TRAF7: variants seen among roughly 807,000 people sequenced by gnomAD.
TRAF7 encodes the protein TNF receptor associated factor 7, also known as E3 ubiquitin-protein ligase TRAF7.
TRAF7 carries 45 observed loss-of-function variants against 89.3 expected under a neutral mutation model. The observed-to-expected ratio is 0.50, with a 90% CI of 0.40 to 0.65. The LOEUF (loss-of-function observed/expected upper bound fraction) is 0.65, where lower values mean the gene tolerates loss of function less well. Among genes scored for constraint, TRAF7 ranks in the 30% least tolerant of loss-of-function variants. TRAF7 has a pLI of 0.00. For synonymous variants in TRAF7, 406 were observed against 369.2 expected, an observed-to-expected ratio of 1.10 and a Z score of -1.14; for missense variants, 677 against 918.1, an observed-to-expected ratio of 0.74 and a Z score of 3.39.
Position 2,168,814 on chromosome 16 carries a change from G to A in TRAF7, c.231+646G>A, listed in dbSNP as rs2093097075. On this transcript the variant is annotated intron_variant, in intron 4 of 20. Transcript: ENST00000326181. The surrounding 1 kb of genome is among the most constrained non-coding windows in gnomAD (Gnocchi z 4.1). ...TCCTGGTCAATGGCGCTCATTGCTG[G>A]GCTCTGGGCCTACCCAGGGGACAGA... Among the ~76,000 whole-genome samples, 3 of 151,990 alleles carry A rather than the reference G, an allele frequency of 2.0e-5. 1 individual carries two copies. The South Asian group carries it at 6.2e-4, about 31-fold the overall frequency.
At chr16:2,165,409 G>A (rs2093081020) in intron 2 of TRAF7, among the ~76,000 whole-genome samples, 1 of 140,036 alleles carries the variant, frequency 7.1e-6, no homozygotes, top group East Asian at 2.2e-4. Flanking sequence ...AGTGCTGCGT[G>A]GCCTGGCCTG....
In TRAF7 at chr16:2,168,822, G is replaced by A. The variant is rs1464940478; in HGVS notation, c.231+654G>A. On this transcript the variant is annotated intron_variant, in intron 4 of 20. Coordinates refer to ENST00000326181, the MANE Select transcript of TRAF7 (RefSeq NM_032271.3). This position sits in a 1 kb window ranked among gnomAD's most constrained non-coding sequence, Gnocchi z 4.1. ...AATGGCGCTCATTGCTGGGCTCTGG[G>A]CCTACCCAGGGGACAGAGGCCAACT... 6.6e-6 allele frequency among the ~76,000 whole-genome samples: 1 copy of A among 151,864 alleles called. No homozygotes were observed. The highest frequency in any genetic ancestry group is 1.5e-5 in the Non-Finnish European group (1 of 67,962).
At position 2,165,160 on chromosome 16, in the gene TRAF7, C is replaced by T. The variant is rs9929851; in HGVS notation, c.82-719C>T. Among the ~76,000 whole-genome samples, 9 of 131,262 alleles carry T rather than the reference C, an allele frequency of 6.9e-5. No homozygotes were observed. The South Asian group carries it at 7.3e-4, about 11-fold the overall frequency. 86.1% of individuals were successfully genotyped at this position (131,262 alleles called of 152,430 possible). On this transcript the variant is annotated intron_variant, in intron 2 of 20. Coordinates refer to ENST00000326181, the MANE Select transcript of TRAF7 (RefSeq NM_032271.3). ...CGCATGCTGAAGCGTGTGAGTGCTG[C>T]GTGGCCTGGCCTGGTCGCATGGTTA...
chr16:2,178,083 A>C lies in TRAF7; in HGVS notation c.*1509A>C, dbSNP rs889950378. 5 of 494,952 alleles carry C rather than the reference A, an allele frequency of 1.0e-5. No individual in the cohort carries two copies. The highest frequency in any genetic ancestry group is 1.9e-5 in the Non-Finnish European group (5 of 257,144). 30.7% of individuals were successfully genotyped at this position (494,952 alleles called of 1,614,324 possible). On this transcript the variant is annotated 3_prime_UTR_variant, in exon 21 of 21. Coordinates refer to ENST00000326181, the MANE Select transcript of TRAF7 (RefSeq NM_032271.3). ...TTATACCTTTTTGTTTCTCTGGGGAAATCCGCCTCAGCTCATTCCCAATAA... is the reference window on the plus strand; with the variant it reads ...TTATACCTTTTTGTTTCTCTGGGGACATCCGCCTCAGCTCATTCCCAATAA...
At chr16:2,167,798 C>T (rs1216189893) in intron 3 of TRAF7, among the ~76,000 whole-genome samples, 1 of 152,102 alleles carries the variant, frequency 6.6e-6, no homozygotes, top group East Asian at 1.9e-4. Context: ...GAAGACCCTG[C>T]CTGGGGTAGG....
chr16:2,157,709 T>C (rs2093040817), intron 1 of TRAF7, among the ~76,000 whole-genome samples: 1 of 152,074 alleles, frequency 6.6e-6, no homozygotes, highest in South Asian at 2.1e-4. Context: ...CCAGGAGGCC[T>C]GGGCAGCCTG....
chr16:2,172,426 G>A (rs760274832), intron 8 of TRAF7, 39 bp from the exon 9 acceptor site: 5 of 1,610,618 alleles, frequency 3.1e-6, no homozygotes, highest in African/African-American at 2.7e-5. Flanking sequence ...GCTTCTCAGG[G>A]CTCTGGCTGA....
Position 2,177,720 on chromosome 16 carries a change from A to AC in TRAF7, c.*1149dup, listed in dbSNP as rs1254150867. Reference sequence around the variant, plus strand: ...TTCCACGTGGCTGCCACGCTGACACACCCACATTCACCAAACCCACCCGCG... The same window carrying AC: ...TTCCACGTGGCTGCCACGCTGACACACCCCACATTCACCAAACCCACCCGCG... On this transcript the variant is annotated 3_prime_UTR_variant, in exon 21 of 21. Transcript: ENST00000326181. The AC allele has an allele frequency of 4.1e-6, 1 of 241,000 alleles. No individual in the cohort carries two copies. The highest frequency in any genetic ancestry group is 6.2e-5 in the East Asian group (1 of 16,236). The allele number at this position is 241,000 out of a possible 1,614,324, so 14.9% of individuals were successfully genotyped here.
rs920170110 is a variant in TRAF7, at chr16:2,158,773, G to GA, written c.-39+2915_-39+2916insA. Among the ~76,000 whole-genome samples the GA allele has an allele frequency of 1.3e-5, 2 of 151,326 alleles. No individual in the cohort carries two copies. The highest frequency in any genetic ancestry group is 6.6e-5 in the Admixed American group (1 of 15,224). ...ACTGGGAAGCGTGGGCTCGGCGGGG[G>GA]GGGGGGGGACACTGCCACCCTTGGC... On this transcript the variant is annotated intron_variant, in intron 1 of 20. Transcript: ENST00000326181. The surrounding 1 kb of genome is among the most constrained non-coding windows in gnomAD (Gnocchi z 4.7).
Position 2,173,826 on chromosome 16 carries a change from C to T in TRAF7, c.1125C>T (p.Gly375=). The T allele has an allele frequency of 1.2e-6, 2 of 1,610,988 alleles. No homozygotes were observed. The highest frequency in any genetic ancestry group is 1.7e-6 in the Non-Finnish European group (2 of 1,179,858). Residue 375 remains glycine, a synonymous_variant, in exon 12 of 21, where the codon GGC becomes GGT. Coordinates refer to ENST00000326181, the MANE Select transcript of TRAF7 (RefSeq NM_032271.3). ...LSHINARLNM[G]ILGSYDPQQI... is the part of the protein sequence containing the mutation. The stretch of plus-strand genomic sequence containing the variant: ...ACATCAACGCGCGGCTGAACATGGG[C>T]ATCCTAGGCTGTGAGTATGGACCCG...
intron 1 of TRAF7, among the ~76,000 whole-genome samples, chr16:2,160,533 CGGGCAGGCGGTGTGGAT>C (rs1222459681): frequency 2.5e-5 from 1 of 39,268 alleles, no homozygotes; most frequent in African/African-American, 1.2e-4. Context: ...GGGAGGTGCT[CGGGCAGGCGGTGTGGAT>C]GGGCGGGCGG....
chr16:2,175,037 C>G, intron 14 of TRAF7, 74 bp from the exon 15 acceptor site: 1 of 1,596,570 alleles, frequency 6.3e-7, no homozygotes, highest in Non-Finnish European at 8.6e-7. Context: ...TGGCATGGAC[C>G]TCGGGCCCTG....
chr16:2,170,697 C>T lies in TRAF7; in HGVS notation c.315C>T (p.Ser105=), dbSNP rs756611178. The T allele has an allele frequency of 3.1e-6, 5 of 1,607,272 alleles. No homozygotes were observed. Among genetic ancestry groups the T allele is most frequent in the Non-Finnish European group, 4.2e-6 (5 of 1,177,350 alleles). Residue 105 remains serine, a synonymous_variant, in exon 5 of 21, where the codon TCC becomes TCT. Coordinates refer to ENST00000326181, the MANE Select transcript of TRAF7 (RefSeq NM_032271.3). The part of the protein sequence containing the change: ...LHSESSMSLR[S]TFSLPEEEEE... Reference sequence around the variant, plus strand: ...CAGAGTCCAGCATGTCTCTGCGCTCCACATTCTCACTGCCCGAGGAGGAGG... The same window carrying T: ...CAGAGTCCAGCATGTCTCTGCGCTCTACATTCTCACTGCCCGAGGAGGAGG...
At position 2,162,221 on chromosome 16, in the gene TRAF7, C is replaced by G. The variant is rs1358489978; in HGVS notation, c.-38-1662C>G. On this transcript the variant is annotated intron_variant, in intron 1 of 20. Coordinates refer to ENST00000326181, the MANE Select transcript of TRAF7 (RefSeq NM_032271.3). This position sits in a 1 kb window ranked among gnomAD's most constrained non-coding sequence, Gnocchi z 5.0. ...GCCTTCCAGGTGGCATTGGAAGGGA[C>G]AGGTGGGCCTGGGCAGCCTAGAGAA... Among the ~76,000 whole-genome samples, 2 of 152,180 alleles carry G rather than the reference C, an allele frequency of 1.3e-5. No individual in the cohort carries two copies. The highest frequency in any genetic ancestry group is 4.8e-5 in the African/African-American group (2 of 41,460).
At position 2,165,791 on chromosome 16, in the gene TRAF7, C is replaced by T. The variant is rs568271501; in HGVS notation, c.82-88C>T. 66 of 1,498,724 alleles carry T rather than the reference C, an allele frequency of 4.4e-5. 2 individuals are homozygous for T. The South Asian group carries it at 5.2e-4, about 12-fold the overall frequency. 92.8% of individuals were successfully genotyped at this position (1,498,724 alleles called of 1,614,324 possible). ...TGAGTGCTGCGTGGCCTGGCCTGGT[C>T]GCGTGTTAGGCATGTGAGTGGGCTC... On this transcript the variant is annotated intron_variant, in intron 2 of 20. Transcript: ENST00000326181.
At chr16:2,172,694 G>A in intron 9 of TRAF7, 95 bp downstream of exon 9, 1 of 1,401,818 alleles carries the variant, frequency 7.1e-7, no homozygotes, top group African/African-American at 1.4e-5. Flanking sequence ...GGGGAGGTAG[G>A]CCGGAGCTGG....
Position 2,175,157 on chromosome 16 carries a change from G to A in TRAF7, c.1386+7G>A, listed in dbSNP as rs3815793. 304 of 1,613,668 alleles carry A rather than the reference G, an allele frequency of 1.9e-4. No homozygotes were observed. In the East Asian group the frequency reaches 6.5e-3, roughly 35 times the overall value. ...TGCAGACTGCACCATCATTGTGAGT[G>A]GGGCCTACAGGCGGGTGGGCAGGAG... On this transcript the variant is annotated splice_region_variant and intron_variant, in intron 15 of 20. Coordinates refer to ENST00000326181, the MANE Select transcript of TRAF7 (RefSeq NM_032271.3).
intron 14 of TRAF7, 26 bp downstream of exon 14, chr16:2,174,359 G>C: frequency 6.2e-7 from 1 of 1,603,878 alleles, no homozygotes; most frequent in Non-Finnish European, 8.5e-7. Context: ...TGTGTGATCA[G>C]TGATTCCCAG....
intron 9 of TRAF7, among the ~76,000 whole-genome samples, 185 bp from the exon 10 acceptor site, chr16:2,172,997 G>A (rs1469335804): frequency 6.6e-6 from 1 of 152,000 alleles, no homozygotes; most frequent in African/African-American, 2.4e-5. Context: ...GACGTGATGG[G>A]ATCTCACTTG....
Sources: allele counts gnomAD v4.1 joint callset (sites outside exome capture counted in the v4.1 genomes callset), GRCh38; gene constraint gnomAD v4.1.1; non-coding constraint Gnocchi (gnomAD v3.1); transcripts MANE v1.5; gene names NCBI Gene and HGNC (gene_info 2026-07-23, HGNC 2026-07-21).